The following CCAR1 variants were observed in gnomAD, a reference collection of about 807,000 sequenced individuals.
The protein encoded by CCAR1 is cell division cycle and apoptosis regulator protein 1.
In CCAR1, 78 loss-of-function variants were observed where a neutral mutation model predicts 163.8. The observed-to-expected ratio is 0.48, with a 90% CI of 0.40 to 0.57. The LOEUF is 0.57. Ranked by LOEUF, CCAR1 falls within the 20% of genes least tolerant of loss-of-function variation. The probability of loss-of-function intolerance (pLI) is 0.00; values close to 1 mark genes in which losing one functional copy is unlikely to be tolerated. For synonymous variants in CCAR1, 443 were observed against 460.7 expected (o/e 0.96, Z 0.49); for missense variants, 1,019 against 1,365.2 (o/e 0.75, Z 4.00).
intron 6 of CCAR1, among the ~76,000 whole-genome samples, chr10:68,746,620 C>CT (rs1411021628): frequency 1.3e-5 from 2 of 152,070 alleles, no homozygotes; most frequent in Non-Finnish European, 2.9e-5. Context: ...CGAGTCTCGT[C>CT]TGTCACTCAG....
chr10:68,725,472 A>T (rs1397505345), intron 2 of CCAR1, among the ~76,000 whole-genome samples: 1 of 152,086 alleles, frequency 6.6e-6, no homozygotes, highest in Non-Finnish European at 1.5e-5. Flanking sequence ...GAAGCTTTAA[A>T]TTCTTCCCAA....
At chr10:68,790,717 CAG>C (rs768863791) in intron 24 of CCAR1, among the ~76,000 whole-genome samples, 3 of 151,816 alleles carry the variant, frequency 2.0e-5, no homozygotes, top group Non-Finnish European at 4.4e-5. Flanking sequence ...TTTTTAGAGA[CAG>C]GGTTTCAGAC....
chr10:68,771,087 A>AG (rs1564547335), intron 17 of CCAR1, 119 bp from the exon 18 acceptor site: 2 of 840,888 alleles, frequency 2.4e-6, no homozygotes, highest in African/African-American at 3.5e-5. Context: ...CAAAAAAAAA[A>AG]AAGTTTGATA....
chr10:68,757,273 A>G (rs1409162840), intron 14 of CCAR1, 21 bp from the exon 15 acceptor site: 1 of 1,269,652 alleles, frequency 7.9e-7, no homozygotes, highest in Non-Finnish European at 1.1e-6. Context: ...TAGTAATTAC[A>G]TTCTTAACTT....
chr10:68,766,914 C>CG (rs963564116), intron 17 of CCAR1, among the ~76,000 whole-genome samples: 24 of 152,194 alleles, frequency 1.6e-4, no homozygotes, highest in Admixed American at 2.6e-4. Context: ...GATTTGTCCT[C>CG]TAACTTTCCT....
At chr10:68,779,419 C>T (rs750830607) in intron 19 of CCAR1, among the ~76,000 whole-genome samples, 25 of 151,598 alleles carry the variant, frequency 1.6e-4, no homozygotes, top group Non-Finnish European at 7.4e-5. Context: ...CCACCATGCC[C>T]GGTTAATTTT....
At chr10:68,726,785 C>A (rs188271446) in intron 2 of CCAR1, among the ~76,000 whole-genome samples, 23 of 151,808 alleles carry the variant, frequency 1.5e-4, no homozygotes, top group Non-Finnish European at 2.5e-4. Context: ...ATCACGAGGT[C>A]AGGAGTCCGA....
chr10:68,747,634 ATT>A lies in CCAR1; in HGVS notation c.826+69_826+70del. The A allele has an allele frequency of 2.8e-6, 4 of 1,403,700 alleles. No individual in the cohort carries two copies. The Admixed American group carries it at 6.2e-5, about 22-fold the overall frequency. 87.0% of individuals were successfully genotyped at this position (1,403,700 alleles called of 1,614,324 possible). A position where few individuals can be genotyped will look rare whatever the true frequency, so the allele number is the denominator to read the frequency against. ...TGTTGATAATGTAACTATGCTTTTA[ATT>A]ACAAAAAAAGGCAGGGATTTCAAGA... On this transcript the variant is annotated intron_variant, in intron 8 of 24. Coordinates refer to ENST00000265872, the MANE Select transcript of CCAR1 (RefSeq NM_018237.4).
rs1475942066 is a variant in CCAR1 at position 68,756,036 on chromosome 10, G to A, written c.1626-237G>A. Among the ~76,000 whole-genome samples, 4 of 152,060 alleles carry A rather than the reference G, an allele frequency of 2.6e-5. No homozygotes were observed. Among genetic ancestry groups the A allele is most frequent in the Admixed American group, 6.6e-5 (1 of 15,256 alleles). On this transcript the variant is annotated intron_variant, in intron 13 of 24. Transcript: ENST00000265872. The surrounding 1 kb of genome is among the most constrained non-coding windows in gnomAD (Gnocchi z 5.1). The stretch of plus-strand genomic sequence containing the variant: ...CTTCTTCAGGTATTCTCTAAAATGC[G>A]GGTAGCTCTGTAATCAAACTTGAAA...
chr10:68,752,978 ATAGG>A lies in CCAR1; in HGVS notation c.1119-869_1119-866del, dbSNP rs201891078. 5.3e-3 allele frequency among the ~76,000 whole-genome samples: 801 copies of A among 151,300 alleles called. 5 individuals carry two copies. The highest frequency in any genetic ancestry group is 0.019 in the African/African-American group (762 of 41,188). On this transcript the variant is annotated intron_variant, in intron 10 of 24. Transcript: ENST00000265872. ...ATAGAATAGATAGATAAATAGATGAATAGGTAGGCAGGTAATAGTCTGTTAACTG... is the reference window on the plus strand; with the variant it reads ...ATAGAATAGATAGATAAATAGATGAATAGGCAGGTAATAGTCTGTTAACTG...
At chr10:68,787,905 T>C in intron 21 of CCAR1, 22 bp from the exon 22 acceptor site, 1 of 1,574,802 alleles carries the variant, frequency 6.3e-7, no homozygotes. Flanking sequence ...CTCTGTATTT[T>C]GTTTACTTGC....
chr10:68,724,081 G>C (rs7893706), intron 2 of CCAR1, among the ~76,000 whole-genome samples: 141,341 of 151,076 alleles, frequency 0.94, 66,221 homozygotes, highest in East Asian at 0.99. Context: ...TCGCTTGAAC[G>C]TGGGAGGCAG....
intron 2 of CCAR1, among the ~76,000 whole-genome samples, chr10:68,736,148 C>T (rs959023654): frequency 1.3e-5 from 2 of 152,156 alleles, no homozygotes; most frequent in East Asian, 1.9e-4. Flanking sequence ...CCACCACCCC[C>T]AGCCAGTTTT....
At chr10:68,791,163 A>T in intron 24 of CCAR1, 44 bp from the exon 25 acceptor site, 1 of 1,164,830 alleles carries the variant, frequency 8.6e-7, no homozygotes, top group Non-Finnish European at 1.3e-6. Context: ...AACATTTAAG[A>T]TAATCTAATA....
At chr10:68,768,023 C>G (rs917359058) in intron 17 of CCAR1, among the ~76,000 whole-genome samples, 6 of 152,132 alleles carry the variant, frequency 3.9e-5, no homozygotes, top group African/African-American at 1.4e-4. Flanking sequence ...ATCTTATCAA[C>G]ATATCTTATG....
chr10:68,721,512 GC>G, intron 1 of CCAR1: 2 of 440,694 alleles, frequency 4.5e-6, no homozygotes, highest in East Asian at 8.0e-5. Flanking sequence ...CTCCTCAGGT[GC>G]CCCCAGCGCC....
intron 2 of CCAR1, among the ~76,000 whole-genome samples, chr10:68,723,228 T>C (rs1384530822): frequency 2.6e-5 from 4 of 151,334 alleles, no homozygotes; most frequent in African/African-American, 9.7e-5. Context: ...TTCACGCCAT[T>C]CTCCTGCCTC....
intron 24 of CCAR1, among the ~76,000 whole-genome samples, chr10:68,790,945 A>C (rs2056846116): frequency 6.7e-6 from 1 of 149,406 alleles, no homozygotes; most frequent in Non-Finnish European, 1.5e-5. Flanking sequence ...CAGCCCACCT[A>C]TCTTGGCCTC....
intron 19 of CCAR1, among the ~76,000 whole-genome samples, chr10:68,777,956 C>T (rs1031821487): frequency 3.3e-5 from 5 of 152,098 alleles, no homozygotes; most frequent in Non-Finnish European, 5.9e-5. Context: ...TGCGGTGGCT[C>T]ATGCCTGTAA....
Sources: allele counts gnomAD v4.1 joint callset (sites outside exome capture counted in the v4.1 genomes callset), GRCh38; gene constraint gnomAD v4.1.1; non-coding constraint Gnocchi (gnomAD v3.1); transcripts MANE v1.5; gene names NCBI Gene and HGNC (gene_info 2026-07-23, HGNC 2026-07-21).